MYO15B: variants seen among roughly 807,000 people sequenced by gnomAD.
MYO15B encodes myosin XVB, also known as myosin XVB pseudogene.
Under a neutral mutation model 119.3 loss-of-function variants are expected in MYO15B, and 207 were observed. The observed-to-expected ratio is 1.73, with a 90% CI of 1.55 to 1.95. The LOEUF (loss-of-function observed/expected upper bound fraction) is 1.95. MYO15B is among the 30% of genes most tolerant of loss of function. The probability of loss-of-function intolerance (pLI) is 0.00; values close to 1 mark genes in which losing one functional copy is unlikely to be tolerated. For synonymous variants in MYO15B, 966 were observed against 498.9 expected (o/e 1.94, Z -12.48); for missense variants, 2,264 against 1,203.1 (o/e 1.88, Z -13.04).
In MYO15B at chr17:75,590,306, C is replaced by T. The variant is rs1024430882; in HGVS notation, c.2186+63C>T. The T allele has an allele frequency of 6.5e-5, 26 of 398,866 alleles. No homozygotes were observed. The East Asian group carries it at 8.2e-4, about 13-fold the overall frequency. 24.7% of individuals were successfully genotyped at this position (398,866 alleles called of 1,614,324 possible). ...CACAGCTCCTCATATCCACCCTGCC[C>T]TCATCTTTATGAATTGCGTGTAGAC... On this transcript the variant is annotated intron_variant, in intron 1 of 63. Coordinates refer to ENST00000645453, the Ensembl canonical transcript of MYO15B.
Position 75,613,289 on chromosome 17 carries a change from G to C in MYO15B, c.4968-4G>C. On this transcript the variant is annotated splice_region_variant and splice_polypyrimidine_tract_variant and intron_variant, in intron 27 of 63. Transcript: ENST00000645453. ...CTCCACTGCAGCCTGTGCCCGCCCT[G>C]CAGGTTCGTGTCTGACCAGGCCCCC... 1 of 668,614 alleles carries C rather than the reference G, an allele frequency of 1.5e-6. No homozygotes were observed. Among genetic ancestry groups the C allele is most frequent in the Non-Finnish European group, 2.7e-6 (1 of 364,236 alleles). The allele number at this position is 668,614 out of a possible 1,614,324, so 41.4% of individuals were successfully genotyped here.
exon 64 of MYO15B, chr17:75,626,740 A>G (rs953674962): frequency 3.0e-5 from 17 of 559,786 alleles, no homozygotes; most frequent in Middle Eastern, 4.6e-4. Flanking sequence ...GAGGTTGCCC[A>G]GTCTGAGGGA....
chr17:75,614,251 G>T (rs1287398629), exon 30 of MYO15B: 1 of 702,808 alleles, frequency 1.4e-6, no homozygotes, highest in South Asian at 1.5e-5. Flanking sequence ...CTCCAGGGAC[G>T]CATGGCAGGA....
In MYO15B at chr17:75,621,839, G is replaced by A. The variant is rs2058729164; in HGVS notation, c.8006-165G>A. 5.9e-5 allele frequency: 36 copies of A among 613,288 alleles called. 1 individual carries two copies. In the South Asian group the frequency reaches 6.6e-4, roughly 11 times the overall value. 38.0% of individuals were successfully genotyped at this position (613,288 alleles called of 1,614,324 possible). On this transcript the variant is annotated intron_variant, in intron 52 of 63. Transcript: ENST00000645453. The stretch of plus-strand genomic sequence containing the variant: ...GGGCCTTGGATACCCAGGAGCCTCA[G>A]TTTCCCCATGAGTCGAGCTGCAACC...
intron 60 of MYO15B, 77 bp downstream of exon 60, chr17:75,625,315 G>T: frequency 3.1e-6 from 2 of 645,506 alleles, no homozygotes; most frequent in South Asian, 3.4e-5. Flanking sequence ...ACCCTTCCTG[G>T]CCCTAAATGG....
chr17:75,624,641 T>TAAGC lies in MYO15B; in HGVS notation c.8542+3_8542+6dup, dbSNP rs1568236369. 1.4e-6 allele frequency: 1 copy of TAAGC among 702,380 alleles called. No individual in the cohort carries two copies. Among genetic ancestry groups the TAAGC allele is most frequent in the Admixed American group, 2.0e-5 (1 of 49,956 alleles). 43.5% of individuals were successfully genotyped at this position (702,380 alleles called of 1,614,324 possible). ...CCCTCTTCCTCATCAAAGAGAAGAG[T>TAAGC]AAGCTTGGGGACGGAGCCTCACGGT... On this transcript the variant is annotated splice_region_variant and intron_variant, in intron 58 of 63. Transcript: ENST00000645453.
rs779130854 is a variant in MYO15B at position 75,610,090 on chromosome 17, T to G, written c.4293-76T>G. 9.9e-5 allele frequency: 61 copies of G among 614,990 alleles called. 1 individual carries two copies. The highest frequency in any genetic ancestry group is 2.5e-5 in the Admixed American group (1 of 40,420). 38.1% of individuals were successfully genotyped at this position (614,990 alleles called of 1,614,324 possible). A position where few individuals can be genotyped will look rare whatever the true frequency, so the allele number is the denominator to read the frequency against. Reference sequence around the variant, plus strand: ...GTCAGTTTTTACATGAATGTCAGGCTTAAGGGATTCCAGTGCCAGGCAGGA... The same window carrying G: ...GTCAGTTTTTACATGAATGTCAGGCGTAAGGGATTCCAGTGCCAGGCAGGA... On this transcript the variant is annotated intron_variant, in intron 21 of 63. Coordinates refer to ENST00000645453, the Ensembl canonical transcript of MYO15B.
exon 64 of MYO15B, chr17:75,626,600 C>T: frequency 1.5e-6 from 1 of 652,776 alleles, no homozygotes; most frequent in East Asian, 2.7e-5. Flanking sequence ...TCAGCACAGC[C>T]CAGCCGGCCC....
intron 15 of MYO15B, chr17:75,602,162 G>A: frequency 2.8e-6 from 1 of 361,814 alleles, no homozygotes; most frequent in Admixed American, 4.1e-5. Flanking sequence ...CTACCCAGGA[G>A]TTGCCCCCAA....
At chr17:75,611,096 C>T (rs1176300815) in intron 23 of MYO15B, 137 bp downstream of exon 23, 10 of 661,910 alleles carry the variant, frequency 1.5e-5, no homozygotes, top group East Asian at 8.2e-5. Context: ...AGAAGAGGAC[C>T]GGGGTGCTCT....
Position 75,612,752 on chromosome 17 carries a change from G to C in MYO15B, c.4636-46G>C, listed in dbSNP as rs370721443. 45 of 702,562 alleles carry C rather than the reference G, an allele frequency of 6.4e-5. No individual in the cohort carries two copies. The East Asian group carries it at 8.6e-4, about 13-fold the overall frequency. 43.5% of individuals were successfully genotyped at this position (702,562 alleles called of 1,614,324 possible). Reference sequence around the variant, plus strand: ...TGCTCCGGTGGGGCTCCCCTGGGCTGTCTGATAGCTGGTGAGCATGGACTG... The same window carrying C: ...TGCTCCGGTGGGGCTCCCCTGGGCTCTCTGATAGCTGGTGAGCATGGACTG... On this transcript the variant is annotated intron_variant, in intron 25 of 63. Coordinates refer to ENST00000645453, the Ensembl canonical transcript of MYO15B.
At chr17:75,620,278 C>T (rs1260893204) in exon 48 of MYO15B, 1 of 703,032 alleles carries the variant, frequency 1.4e-6, no homozygotes, top group Non-Finnish European at 2.6e-6. Flanking sequence ...TGCGCAGCTA[C>T]ATCACTGACA....
exon 59 of MYO15B, chr17:75,624,781 G>A (rs983546557): frequency 5.7e-6 from 4 of 702,958 alleles, no homozygotes; most frequent in South Asian, 1.5e-5. Context: ...GCCAGCTGGT[G>A]CGGCCCCTGC....
exon 55 of MYO15B, chr17:75,624,028 C>T: frequency 2.8e-6 from 2 of 703,044 alleles, no homozygotes; most frequent in East Asian, 2.7e-5. Flanking sequence ...GATGCCCTAC[C>T]TGACCAAGTT....
chr17:75,619,185 C>T lies in MYO15B; in HGVS notation c.7030C>T (p.Gln2344Ter). 1.4e-6 allele frequency: 1 copy of T among 702,898 alleles called. No individual in the cohort carries two copies. The allele number at this position is 702,898 out of a possible 1,614,324, so 43.5% of individuals were successfully genotyped here. A position where few individuals can be genotyped will look rare whatever the true frequency, so the allele number is the denominator to read the frequency against. Reference sequence around the variant, plus strand: ...CTCCGAGTCCTGTATCCGGATTTCCCAGAATGAGCGGCGGAAAATGAAAGA... The same window carrying T: ...CTCCGAGTCCTGTATCCGGATTTCCTAGAATGAGCGGCGGAAAATGAAAGA... The change falls in exon 44 of 64, where the codon CAG becomes TAG. Residue 2344 changes from glutamine to a stop codon, truncating the protein, a stop_gained. Transcript: ENST00000645453. LOFTEE classifies it high-confidence loss of function.
At chr17:75,621,348 G>A (rs2058697886) in exon 51 of MYO15B, 2 of 700,788 alleles carry the variant, frequency 2.9e-6, no homozygotes, top group Non-Finnish European at 5.2e-6. Context: ...CCCACAGGCT[G>A]GGCCAGACTG....
intron 9 of MYO15B, 121 bp downstream of exon 9, chr17:75,592,961 G>T: frequency 1.7e-6 from 1 of 606,060 alleles, no homozygotes; most frequent in African/African-American, 1.8e-5. Context: ...CCTGAAAAGT[G>T]GGTAGATCCC....
chr17:75,596,401 C>CAT, intron 12 of MYO15B, 59 bp from the exon 13 acceptor site: 1 of 698,942 alleles, frequency 1.4e-6, no homozygotes, highest in Non-Finnish European at 2.6e-6. Flanking sequence ...TGAAGGAAGC[C>CAT]TCTGGGGTGG....
intron 19 of MYO15B, among the ~76,000 whole-genome samples, chr17:75,604,565 A>G (rs925932438): frequency 8.9e-6 from 1 of 112,882 alleles, no homozygotes; most frequent in Non-Finnish European, 1.8e-5. Context: ...TCCCTCCCAC[A>G]AACTTGTCTT....
Sources: allele counts gnomAD v4.1 joint callset (sites outside exome capture counted in the v4.1 genomes callset), GRCh38; gene constraint gnomAD v4.1.1; transcripts MANE v1.5; gene names NCBI Gene and HGNC (gene_info 2026-07-23, HGNC 2026-07-21).